The following KIF21B variants were observed in gnomAD, a reference collection of about 807,000 sequenced individuals.
KIF21B encodes the protein kinesin-like protein KIF21B.
A neutral mutation model predicts 192.9 loss-of-function variants in KIF21B; 85 were observed. The ratio of observed to expected loss-of-function variants is 0.44; its 90% CI spans 0.37 to 0.53. The LOEUF (loss-of-function observed/expected upper bound fraction) is 0.53, where lower values mean the gene tolerates loss of function less well. Ranked by LOEUF, KIF21B falls within the 20% of genes least tolerant of loss-of-function variation. KIF21B has a pLI of 0.00. For missense variants in KIF21B, 1,716 were observed against 2,194.8 expected (o/e 0.78, Z 4.36); for synonymous variants, 832 against 884.6 (o/e 0.94, Z 1.05).
At position 201,000,234 on chromosome 1, in the gene KIF21B, G is replaced by T. The variant is rs1477790204; in HGVS notation, c.1685+156C>A. Reference sequence around the variant, plus strand: ...TGCCCAAAAGGCTGAGCAAATCTGCGCCATGAATTCCCAAGCAATACTGAG... The same window carrying T: ...TGCCCAAAAGGCTGAGCAAATCTGCTCCATGAATTCCCAAGCAATACTGAG... On this transcript the variant is annotated intron_variant, in intron 11 of 34. Transcript: ENST00000461742. The surrounding 1 kb of genome is among the most constrained non-coding windows in gnomAD (Gnocchi z 6.0). Among the ~76,000 whole-genome samples the T allele has an allele frequency of 6.6e-6, 1 of 152,174 alleles. No individual in the cohort carries two copies. The highest frequency in any genetic ancestry group is 1.5e-5 in the Non-Finnish European group (1 of 68,022).
In KIF21B at chr1:200,972,092, C is replaced by G. The variant is rs1056897832; in HGVS notation, c.*1429G>C. 2.6e-5 allele frequency: 4 copies of G among 151,482 alleles called. No individual in the cohort carries two copies. The highest frequency in any genetic ancestry group is 1.9e-4 in the East Asian group (1 of 5,224). The allele number at this position is 151,482 out of a possible 1,614,324, so 9.4% of individuals were successfully genotyped here. Reference sequence around the variant, plus strand: ...GCGGGGGAGAGGGATGGAGCTCAGTCCCCCCCAAGGCCCACTCCTGTAATT... The same window carrying G: ...GCGGGGGAGAGGGATGGAGCTCAGTGCCCCCCAAGGCCCACTCCTGTAATT... On this transcript the variant is annotated 3_prime_UTR_variant, in exon 35 of 35. Coordinates refer to ENST00000461742, the MANE Select transcript of KIF21B (RefSeq NM_001252102.2).
Position 200,991,694 on chromosome 1 carries a change from CG to C in KIF21B, c.2416del (p.Arg806GlyfsTer7). On this transcript the variant is annotated frameshift_variant, in exon 17 of 35. Coordinates refer to ENST00000461742, the MANE Select transcript of KIF21B (RefSeq NM_001252102.2). LOFTEE classifies it high-confidence loss of function. ...FQIRALESQK[R>X]QQEMVLRRKT... is the part of the protein sequence containing the mutation. ...CCTCCTCAGGACCATCTCCTGCTGC[CG>C]CTTCTGGGACTCCAGAGCTCGGATC... 1 of 1,614,168 alleles carries C rather than the reference CG, an allele frequency of 6.2e-7. No individual in the cohort carries two copies. Among genetic ancestry groups the C allele is most frequent in the Non-Finnish European group, 8.5e-7 (1 of 1,180,044 alleles).
In KIF21B at chr1:201,009,453, C is replaced by A. The variant is rs754140661; in HGVS notation, c.77G>T (p.Gly26Val). 2.5e-6 allele frequency: 4 copies of A among 1,614,184 alleles called. No homozygotes were observed. Among genetic ancestry groups the A allele is most frequent in the Non-Finnish European group, 2.5e-6 (3 of 1,180,022 alleles). Residue 26 changes from glycine to valine, a missense_variant, in exon 2 of 35, where the codon GGC becomes GTC. Gly to Val is a moderately radical substitution (Grantham distance 109). Transcript: ENST00000461742. ...GGTAACAGAGGTACAGATGTGACAG[C>A]CCTCAATCTTCTCCTTCGACAGCTG... is the stretch of plus-strand genomic sequence containing the variant. ...RPQLSKEKIEGCHICTSVTPG... is the reference protein window; with the variant it reads ...RPQLSKEKIEVCHICTSVTPG...
chr1:200,974,180 T>A (rs759983236), intron 34 of KIF21B: 1 of 1,557,406 alleles, frequency 6.4e-7, no homozygotes, highest in Non-Finnish European at 8.7e-7. Flanking sequence ...ATTCCACAAC[T>A]TTACCCGGCA....
intron 3 of KIF21B, 108 bp from the exon 4 acceptor site, chr1:201,005,802 G>A: frequency 2.5e-6 from 3 of 1,207,184 alleles, no homozygotes; most frequent in Non-Finnish European, 3.5e-6. Flanking sequence ...AACTGAGGCT[G>A]TGGGTCCCCT....
At chr1:200,974,146 G>C (rs1345917478) in intron 34 of KIF21B, 2 of 1,597,520 alleles carry the variant, frequency 1.3e-6, no homozygotes, top group Non-Finnish European at 1.7e-6. Context: ...GGCGAGGAAG[G>C]CAGGGGGTGA....
rs1241802232 is a variant in KIF21B at position 200,986,835 on chromosome 1, T to C, written c.3689+9A>G. On this transcript the variant is annotated intron_variant, in intron 26 of 34. Coordinates refer to ENST00000461742, the MANE Select transcript of KIF21B (RefSeq NM_001252102.2). ...TGACTCTGGAGCAGATTCTAGAACATGATCTCACCTAATGGGCTGCCCTCG... is the reference window on the plus strand; with the variant it reads ...TGACTCTGGAGCAGATTCTAGAACACGATCTCACCTAATGGGCTGCCCTCG... The C allele has an allele frequency of 2.3e-5, 37 of 1,608,522 alleles. No homozygotes were observed. Among genetic ancestry groups the C allele is most frequent in the Non-Finnish European group, 3.0e-5 (35 of 1,176,758 alleles).
rs531294003 is a variant in KIF21B at position 201,023,639 on chromosome 1, G to C, written c.-256C>G. ...GGAGCTAGCTGACAGCCGGCGGCGC[G>C]ACCCGCCGCTCCCTACGGCGCGGCA... On this transcript the variant is annotated 5_prime_UTR_variant, in exon 1 of 35. Transcript: ENST00000461742. This position sits in a 1 kb window ranked among gnomAD's most constrained non-coding sequence, Gnocchi z 5.9. The C allele has an allele frequency of 1.3e-5, 2 of 150,354 alleles. No homozygotes were observed. Among genetic ancestry groups the C allele is most frequent in the Non-Finnish European group, 3.0e-5 (2 of 67,390 alleles). 9.3% of individuals were successfully genotyped at this position (150,354 alleles called of 1,614,324 possible). A position where few individuals can be genotyped will look rare whatever the true frequency, so the allele number is the denominator to read the frequency against.
chr1:201,016,097 T>C (rs1385994174), intron 1 of KIF21B, among the ~76,000 whole-genome samples: 1 of 152,182 alleles, frequency 6.6e-6, no homozygotes, highest in Non-Finnish European at 1.5e-5. Flanking sequence ...TTACTAAGGC[T>C]CAGCAGGTGA....
intron 6 of KIF21B, 132 bp from the exon 7 acceptor site, chr1:201,004,587 T>C (rs774718306): frequency 5.6e-5 from 63 of 1,119,686 alleles, no homozygotes; most frequent in Non-Finnish European, 7.7e-5. Flanking sequence ...GGTGGGTTTA[T>C]AGGCACATGG....
chr1:200,998,602 C>T lies in KIF21B; in HGVS notation c.1886-27G>A. On this transcript the variant is annotated intron_variant, in intron 13 of 34. Transcript: ENST00000461742. This position sits in a 1 kb window ranked among gnomAD's most constrained non-coding sequence, Gnocchi z 4.3. ...TATGGGGGCACAATCAGGCTCAGCC[C>T]AGCGTTAGGGCGAGGGGCAAATTGG... 6.2e-7 allele frequency: 1 copy of T among 1,606,716 alleles called. No homozygotes were observed. Among genetic ancestry groups the T allele is most frequent in the Non-Finnish European group, 8.5e-7 (1 of 1,175,408 alleles).
chr1:201,008,995 G>A (rs1434624871), intron 2 of KIF21B, 44 bp from the exon 3 acceptor site: 1 of 1,561,058 alleles, frequency 6.4e-7, no homozygotes, highest in African/African-American at 1.4e-5. Flanking sequence ...CACCCTTTGG[G>A]GGCACCAGCA....
rs1657774613 is a variant in KIF21B at position 201,005,677 on chromosome 1, G to A, written c.465C>T (p.Ile155=). ...CACGGGTGCTGTCAAACAGGTCAAGGATCTCCTCGTTGTAGAGCTGTGCAG... is the reference window on the plus strand; with the variant it reads ...CACGGGTGCTGTCAAACAGGTCAAGAATCTCCTCGTTGTAGAGCTGTGCAG... ...AQFLELYNEE[I]LDLFDSTRDP... is the part of the protein sequence containing the mutation. The change falls in exon 4 of 35, where the codon ATC becomes ATT. Residue 155 remains isoleucine (I), a synonymous_variant. Coordinates refer to ENST00000461742, the MANE Select transcript of KIF21B (RefSeq NM_001252102.2). 2 of 1,614,108 alleles carry A rather than the reference G, an allele frequency of 1.2e-6. No individual in the cohort carries two copies. The highest frequency in any genetic ancestry group is 1.3e-5 in the African/African-American group (1 of 75,062).
chr1:200,988,199 T>G lies in KIF21B; in HGVS notation c.3408+97A>C, dbSNP rs1476591065. On this transcript the variant is annotated intron_variant, in intron 24 of 34. Transcript: ENST00000461742. ...CTCCCAGCTGGGGACAACATTGTGT[T>G]GTGGCTGAGGGTGGAGCAGAGCCAC... 7.4e-6 allele frequency: 9 copies of G among 1,222,074 alleles called. No individual in the cohort carries two copies. In the South Asian group the frequency reaches 1.1e-4, roughly 15 times the overall value. The allele number at this position is 1,222,074 out of a possible 1,614,324, so 75.7% of individuals were successfully genotyped here. A position where few individuals can be genotyped will look rare whatever the true frequency, so the allele number is the denominator to read the frequency against.
chr1:200,995,141 C>T (rs1303945348), intron 15 of KIF21B, among the ~76,000 whole-genome samples: 2 of 152,250 alleles, frequency 1.3e-5, no homozygotes, highest in South Asian at 2.1e-4. Context: ...TTCTCAGAAT[C>T]TACATCAGCC....
At chr1:201,021,680 C>T (rs896732909) in intron 1 of KIF21B, among the ~76,000 whole-genome samples, 1 of 152,140 alleles carries the variant, frequency 6.6e-6, no homozygotes, top group African/African-American at 2.4e-5. Flanking sequence ...AGCCTGGAGA[C>T]CTGAACAGAG....
At chr1:201,007,917 A>G (rs1268518292) in intron 3 of KIF21B, among the ~76,000 whole-genome samples, 2 of 152,204 alleles carry the variant, frequency 1.3e-5, no homozygotes, top group Non-Finnish European at 2.9e-5. Context: ...ATCAGAAGCG[A>G]AAGTCCAGAG....
rs1657391502 is a variant in KIF21B, at chr1:201,000,255, C to A, written c.1685+135G>T. ...CTGCGCCATGAATTCCCAAGCAATACTGAGGCAGCCCCTGGGGCTGGGGGC... is the reference window on the plus strand; with the variant it reads ...CTGCGCCATGAATTCCCAAGCAATAATGAGGCAGCCCCTGGGGCTGGGGGC... On this transcript the variant is annotated intron_variant, in intron 11 of 34. Coordinates refer to ENST00000461742, the MANE Select transcript of KIF21B (RefSeq NM_001252102.2). The surrounding 1 kb of genome is among the most constrained non-coding windows in gnomAD (Gnocchi z 6.0). The A allele has an allele frequency of 5.3e-6, 5 of 948,382 alleles. No homozygotes were observed. The highest frequency in any genetic ancestry group is 7.9e-6 in the Non-Finnish European group (5 of 630,722). 58.7% of individuals were successfully genotyped at this position (948,382 alleles called of 1,614,324 possible).
At chr1:200,984,811 C>T (rs1656179425) in intron 27 of KIF21B, 48 bp downstream of exon 27, 2 of 1,374,642 alleles carry the variant, frequency 1.5e-6, no homozygotes, top group African/African-American at 3.0e-5. Context: ...ACAGGCTCCC[C>T]ATTGCCACCT....
Sources: allele counts gnomAD v4.1 joint callset (sites outside exome capture counted in the v4.1 genomes callset), GRCh38; gene constraint gnomAD v4.1.1; non-coding constraint Gnocchi (gnomAD v3.1); transcripts MANE v1.5; gene names NCBI Gene and HGNC (gene_info 2026-07-23, HGNC 2026-07-21).